The following KSR2 variants were observed in gnomAD, a reference collection of about 807,000 sequenced individuals.
KSR2 encodes kinase suppressor of ras 2.
In KSR2, 25 loss-of-function variants were observed where a neutral mutation model predicts 107.8. The observed-to-expected ratio is 0.23, with a 90% confidence interval of 0.17 to 0.32. The LOEUF is 0.32. Among genes scored for constraint, KSR2 ranks in the 10% least tolerant of loss-of-function variants. The probability of loss-of-function intolerance (pLI) is 1.00; values close to 1 mark genes in which losing one functional copy is unlikely to be tolerated. For missense variants in KSR2, 887 were observed against 1,268.9 expected (o/e 0.70, Z 4.57); for synonymous variants, 480 against 507.0 (o/e 0.95, Z 0.71).
Position 117,568,043 on chromosome 12 carries a change from G to A in KSR2, c.1326-9470C>T, listed in dbSNP as rs150494055. On this transcript the variant is annotated intron_variant, in intron 7 of 19. Transcript: ENST00000339824. ...ACCACAATACAAATGAGCAAAGGGC[G>A]GTAGGAAGTATTGACATATAAATCA... Among the ~76,000 whole-genome samples the A allele has an allele frequency of 1.2e-4, 18 of 152,274 alleles. No homozygotes were observed. The East Asian group carries it at 1.9e-3, about 16-fold the overall frequency.
rs16947600 is a variant in KSR2, at chr12:117,465,961, C to T, written c.*1238G>A. ...CCCCAACATGGTCAGGAAGAGTCGCCGGCCCAGGTTGGGATCAAGAGGAGG... is the reference window on the plus strand; with the variant it reads ...CCCCAACATGGTCAGGAAGAGTCGCTGGCCCAGGTTGGGATCAAGAGGAGG... On this transcript the variant is annotated 3_prime_UTR_variant, in exon 20 of 20. Coordinates refer to ENST00000339824, the MANE Select transcript of KSR2 (RefSeq NM_173598.6). 0.016 allele frequency: 2,443 copies of T among 152,324 alleles called. 55 individuals are homozygous for T. The highest frequency in any genetic ancestry group is 0.056 in the African/African-American group (2,319 of 41,504). 9.4% of individuals were successfully genotyped at this position (152,324 alleles called of 1,614,324 possible). A position where few individuals can be genotyped will look rare whatever the true frequency, so the allele number is the denominator to read the frequency against.
chr12:117,636,493 G>A (rs1384380557), intron 5 of KSR2, among the ~76,000 whole-genome samples: 3 of 152,062 alleles, frequency 2.0e-5, no homozygotes, highest in Non-Finnish European at 4.4e-5. Context: ...ACAGAATAGG[G>A]AGTACAGAAA....
chr12:117,965,798 A>C (rs1049587289), intron 1 of KSR2, among the ~76,000 whole-genome samples: 12 of 152,234 alleles, frequency 7.9e-5, no homozygotes, highest in Admixed American at 2.0e-4. Context: ...CTAGGGTTAG[A>C]GGCTAAGAAT....
intron 1 of KSR2, among the ~76,000 whole-genome samples, chr12:117,867,659 C>T (rs61939879): frequency 0.21 from 32,231 of 152,134 alleles, 4,439 homozygotes; most frequent in Middle Eastern, 0.37. Flanking sequence ...CTACATGGTG[C>T]AGAGTCAGGT....
intron 1 of KSR2, among the ~76,000 whole-genome samples, chr12:117,866,054 T>TTTTTTTTTTA (rs1893459968): frequency 6.6e-6 from 1 of 150,722 alleles, no homozygotes; most frequent in Admixed American, 6.6e-5. Context: ...TTTTTTTTTT[T>TTTTTTTTTTA]GAAACAAATT....
chr12:117,583,164 G>T (rs2136245218), intron 5 of KSR2, among the ~76,000 whole-genome samples: 1 of 152,050 alleles, frequency 6.6e-6, no homozygotes, highest in East Asian at 1.9e-4. Flanking sequence ...TGGGTGAGTA[G>T]ATGGATGGAC....
In KSR2 at chr12:117,485,696, A is replaced by G. The variant is rs1056981629; in HGVS notation, c.2220-5T>C. The stretch of plus-strand genomic sequence containing the variant: ...AGCGTCCGTCCCTTACAGAGGCTGA[A>G]AAGCAAAAGGACAAGATAAATTAAT... On this transcript the variant is annotated splice_region_variant and splice_polypyrimidine_tract_variant and intron_variant, in intron 14 of 19. Transcript: ENST00000339824. The G allele has an allele frequency of 1.9e-6, 3 of 1,605,866 alleles. No individual in the cohort carries two copies. The highest frequency in any genetic ancestry group is 2.6e-6 in the Non-Finnish European group (3 of 1,172,806).
intron 3 of KSR2, among the ~76,000 whole-genome samples, chr12:117,802,001 G>A (rs763739918): frequency 6.6e-6 from 1 of 152,138 alleles, no homozygotes; most frequent in Admixed American, 6.5e-5. Flanking sequence ...AAGGCATGGT[G>A]TAAGTTTCCT....
chr12:117,633,419 G>A (rs1343162188), intron 5 of KSR2, among the ~76,000 whole-genome samples: 2 of 152,150 alleles, frequency 1.3e-5, no homozygotes, highest in African/African-American at 2.4e-5. Flanking sequence ...CCTGGGTCAG[G>A]GAATATCAGT....
At chr12:117,926,911 G>A (rs1046228691) in intron 1 of KSR2, among the ~76,000 whole-genome samples, 3 of 152,106 alleles carry the variant, frequency 2.0e-5, no homozygotes, top group South Asian at 2.1e-4. Context: ...TCTGTGCCTC[G>A]GTTTTGTCAT....
chr12:117,720,418 C>A (rs965163626), intron 4 of KSR2, among the ~76,000 whole-genome samples: 1 of 152,182 alleles, frequency 6.6e-6, no homozygotes, highest in Non-Finnish European at 1.5e-5. Flanking sequence ...GTTCACCAAC[C>A]CTTGAAGCCC....
At chr12:117,663,751 T>C (rs73211989) in intron 5 of KSR2, among the ~76,000 whole-genome samples, 1,796 of 152,288 alleles carry the variant, frequency 0.012, 20 homozygotes, top group Non-Finnish European at 0.019. Flanking sequence ...TCCATCTAGG[T>C]GGCACTCTTT....
intron 1 of KSR2, among the ~76,000 whole-genome samples, chr12:117,871,465 T>C (rs1374611591): frequency 6.6e-6 from 1 of 152,020 alleles, no homozygotes; most frequent in Non-Finnish European, 1.5e-5. Flanking sequence ...GGCGTACACC[T>C]GTAATCCCAT....
chr12:117,476,660 C>A, intron 16 of KSR2, 65 bp from the exon 17 acceptor site: 1 of 1,509,198 alleles, frequency 6.6e-7, no homozygotes. Context: ...CCCCCTGGCA[C>A]TGACCCTACG....
chr12:117,955,924 A>C (rs1896498962), intron 1 of KSR2, among the ~76,000 whole-genome samples: 1 of 152,012 alleles, frequency 6.6e-6, no homozygotes, highest in African/African-American at 2.4e-5. Flanking sequence ...CAATATATCT[A>C]AAATGTTATC....
chr12:117,926,066 G>A (rs140217023), intron 1 of KSR2, among the ~76,000 whole-genome samples: 44 of 152,162 alleles, frequency 2.9e-4, no homozygotes, highest in African/African-American at 8.9e-4. Context: ...GCGTGGTGGT[G>A]CACCCCTGTA....
At chr12:117,773,778 T>C (rs1317470080) in intron 3 of KSR2, among the ~76,000 whole-genome samples, 1 of 152,206 alleles carries the variant, frequency 6.6e-6, no homozygotes, top group African/African-American at 2.4e-5. Flanking sequence ...GACAAAACTT[T>C]TAGACACTGG....
At chr12:117,519,078 G>T (rs1874571450) in intron 14 of KSR2, among the ~76,000 whole-genome samples, 2 of 152,250 alleles carry the variant, frequency 1.3e-5, no homozygotes, top group South Asian at 4.1e-4. Flanking sequence ...TGTCTATCAT[G>T]TGGTCTGGCA....
chr12:117,872,885 C>A (rs1369125566), intron 1 of KSR2, among the ~76,000 whole-genome samples: 6 of 152,160 alleles, frequency 3.9e-5, no homozygotes, highest in Non-Finnish European at 1.5e-5. Flanking sequence ...ATTTTCCAAG[C>A]AGCTTCCAAA....
Sources: gnomAD v4.1 joint callset for allele counts (sites outside exome capture counted in the v4.1 genomes callset) on GRCh38, gnomAD v4.1.1 for gene constraint, MANE v1.5 for transcripts, NCBI Gene and HGNC (gene_info 2026-07-23, HGNC 2026-07-21) for gene names.